The following DOK6 variants were observed in gnomAD, a reference collection of about 807,000 sequenced individuals.
The protein encoded by DOK6 is docking protein 6, also known as downstream of tyrosine kinase 6.
In DOK6, 22 loss-of-function variants were observed where a neutral mutation model predicts 44.0. That is an observed-to-expected ratio of 0.50 (90% CI 0.36 to 0.71). The LOEUF (loss-of-function observed/expected upper bound fraction) is 0.71, where lower values mean the gene tolerates loss of function less well. Among genes scored for constraint, DOK6 ranks in the 30% least tolerant of loss-of-function variants. The pLI, the probability that DOK6 is intolerant of heterozygous loss-of-function variation, is 0.00. For missense variants in DOK6, 340 were observed against 416.4 expected, an observed-to-expected ratio of 0.82 and a Z score of 1.60; for synonymous variants, 166 against 145.5, an observed-to-expected ratio of 1.14 and a Z score of -1.01.
chr18:69,757,394 A>G (rs554258147), intron 6 of DOK6, among the ~76,000 whole-genome samples: 2 of 152,332 alleles, frequency 1.3e-5, no homozygotes, highest in East Asian at 3.8e-4. Flanking sequence ...TAAATTGTGG[A>G]AAGCTGAGAG....
chr18:69,737,096 T>C (rs1978636123), intron 5 of DOK6, among the ~76,000 whole-genome samples: 2 of 152,196 alleles, frequency 1.3e-5, no homozygotes, highest in Admixed American at 1.3e-4. Flanking sequence ...AAACAGTCTA[T>C]CTGTTCCCTA....
intron 3 of DOK6, among the ~76,000 whole-genome samples, chr18:69,677,055 TTTTTA>T (rs1985938565): frequency 6.6e-6 from 1 of 152,154 alleles, no homozygotes; most frequent in African/African-American, 2.4e-5. Flanking sequence ...TACCCCAATT[TTTTTA>T]AAAAATAAGA....
chr18:69,700,216 C>CATATATATATATATATATATGT (rs61078235), intron 5 of DOK6, among the ~76,000 whole-genome samples: 1 of 124,762 alleles, frequency 8.0e-6, no homozygotes, highest in Non-Finnish European at 1.7e-5. Context: ...CATATATATA[C>CATATATATATATATATATATGT]ATATATATAT....
In DOK6 at chr18:69,605,076, T is replaced by TTGTGTGTGTGTGTGTG. The variant is rs71176987; in HGVS notation, c.289+5614_289+5629dup. 9.2e-4 allele frequency among the ~76,000 whole-genome samples: 116 copies of TTGTGTGTGTGTGTGTG among 125,856 alleles called. 1 individual carries two copies. Among genetic ancestry groups the TTGTGTGTGTGTGTGTG allele is most frequent in the East Asian group, 3.4e-3 (15 of 4,418 alleles). 82.6% of individuals were successfully genotyped at this position (125,856 alleles called of 152,430 possible). On this transcript the variant is annotated intron_variant, in intron 3 of 7. Transcript: ENST00000382713. ...GAGACCCCTGTTAGGAGAGATCCCT[T>TTGTGTGTGTGTGTGTG]TGTGTGTGTGTGTGTGTGTGTGTGT...
At chr18:69,649,273 CAA>C (rs928230199) in intron 3 of DOK6, among the ~76,000 whole-genome samples, 5 of 152,136 alleles carry the variant, frequency 3.3e-5, no homozygotes, top group Non-Finnish European at 7.4e-5. Flanking sequence ...AAGCTTTTCT[CAA>C]AGTCATTTAT....
intron 2 of DOK6, among the ~76,000 whole-genome samples, chr18:69,574,571 A>T (rs138942090): frequency 8.3e-4 from 127 of 152,154 alleles, no homozygotes; most frequent in Middle Eastern, 3.4e-3. Context: ...TGTGACCACA[A>T]GTACTGAAAA....
At chr18:69,547,726 C>T (rs1268194907) in intron 1 of DOK6, among the ~76,000 whole-genome samples, 1 of 150,872 alleles carries the variant, frequency 6.6e-6, no homozygotes, top group Non-Finnish European at 1.5e-5. Context: ...CCTTCTTAGC[C>T]TCTGGTAACC....
At chr18:69,479,948 T>G (rs2144529459) in intron 1 of DOK6, among the ~76,000 whole-genome samples, 1 of 152,148 alleles carries the variant, frequency 6.6e-6, no homozygotes, top group Middle Eastern at 3.4e-3. Context: ...TAGACACAAA[T>G]CAAGAGGGAA....
chr18:69,531,414 T>C (rs1435229793), intron 1 of DOK6, among the ~76,000 whole-genome samples: 1 of 151,582 alleles, frequency 6.6e-6, no homozygotes, highest in African/African-American at 2.4e-5. Context: ...AGTTGAATAA[T>C]AATTATAACT....
At chr18:69,680,942 C>G (rs1388359138) in intron 4 of DOK6, among the ~76,000 whole-genome samples, 1 of 152,180 alleles carries the variant, frequency 6.6e-6, no homozygotes, top group Non-Finnish European at 1.5e-5. Flanking sequence ...CTCTCAATCA[C>G]TCTTCCAGAC....
chr18:69,429,219 A>G (rs1474097153), intron 1 of DOK6, among the ~76,000 whole-genome samples: 1 of 152,242 alleles, frequency 6.6e-6, no homozygotes, highest in Non-Finnish European at 1.5e-5. Context: ...TGATTTCCTT[A>G]TGCATATAAG....
At chr18:69,554,737 A>G (rs1982645984) in intron 1 of DOK6, among the ~76,000 whole-genome samples, 1 of 151,960 alleles carries the variant, frequency 6.6e-6, no homozygotes, top group South Asian at 2.1e-4. Context: ...TCTGGTGCAC[A>G]CTCTCTCCAG....
intron 3 of DOK6, among the ~76,000 whole-genome samples, chr18:69,658,656 T>A (rs1985431202): frequency 6.6e-6 from 1 of 152,220 alleles, no homozygotes; most frequent in Non-Finnish European, 1.5e-5. Flanking sequence ...TATCTGCCAG[T>A]AGCAGTTCGC....
intron 6 of DOK6, among the ~76,000 whole-genome samples, chr18:69,747,383 C>A (rs1979019875): frequency 6.6e-6 from 1 of 151,992 alleles, no homozygotes; most frequent in African/African-American, 2.4e-5. Flanking sequence ...GAAGAAAAGC[C>A]TCAAATCAAC....
chr18:69,653,400 C>T (rs1328691251), intron 3 of DOK6, among the ~76,000 whole-genome samples: 1 of 151,974 alleles, frequency 6.6e-6, no homozygotes, highest in Admixed American at 6.6e-5. Flanking sequence ...ACACAGAGAA[C>T]TGAGCCTGAT....
intron 3 of DOK6, among the ~76,000 whole-genome samples, chr18:69,615,884 T>A (rs981168587): frequency 3.3e-5 from 5 of 152,274 alleles, no homozygotes; most frequent in Middle Eastern, 3.4e-3. Context: ...ACCAAAATCA[T>A]AAGCACGGTG....
chr18:69,654,087 G>T (rs1985301336), intron 3 of DOK6, among the ~76,000 whole-genome samples: 1 of 152,162 alleles, frequency 6.6e-6, no homozygotes, highest in African/African-American at 2.4e-5. Flanking sequence ...ATGTAATGAA[G>T]ATTTGATATT....
intron 1 of DOK6, among the ~76,000 whole-genome samples, chr18:69,416,499 A>G (rs1435738709): frequency 2.6e-5 from 4 of 152,172 alleles, no homozygotes; most frequent in African/African-American, 9.7e-5. Context: ...TTCCCTTCAA[A>G]GTGAGGACTT....
intron 4 of DOK6, among the ~76,000 whole-genome samples, chr18:69,687,705 C>G (rs1986182999): frequency 6.6e-6 from 1 of 151,998 alleles, no homozygotes; most frequent in Non-Finnish European, 1.5e-5. Flanking sequence ...AAACCTAGGA[C>G]TAAAATGAGA....
Sources: allele counts gnomAD v4.1 joint callset (sites outside exome capture counted in the v4.1 genomes callset), GRCh38; gene constraint gnomAD v4.1.1; transcripts MANE v1.5; gene names NCBI Gene and HGNC (gene_info 2026-07-23, HGNC 2026-07-21).